Variants in HS6ST2 observed in about 807,000 individuals in gnomAD.
HS6ST2 encodes the protein heparan-sulfate 6-O-sulfotransferase 2.
In HS6ST2, 17 loss-of-function variants were observed where a neutral mutation model predicts 33.0. That is an observed-to-expected ratio of 0.52 (90% CI 0.35 to 0.77). The LOEUF (loss-of-function observed/expected upper bound fraction) is 0.77, where lower values mean the gene tolerates loss of function less well. Among genes scored for constraint, HS6ST2 ranks in the 30% least tolerant of loss-of-function variants. The probability of loss-of-function intolerance (pLI) is 0.01; values close to 1 mark genes in which losing one functional copy is unlikely to be tolerated. For missense variants in HS6ST2, 519 were observed against 551.7 expected (o/e 0.94, Z 0.59); for synonymous variants, 248 against 237.1 (o/e 1.05, Z -0.42).
At chrX:132,634,114 C>A (rs1248200435) in intron 4 of HS6ST2, among the ~76,000 whole-genome samples, 5 of 112,331 alleles carry the variant, frequency 4.5e-5, no homozygotes, top group Non-Finnish European at 5.6e-5. Flanking sequence ...TGGAGGAAAT[C>A]TAAGCCTGTC....
At chrX:132,900,939 C>T (rs187081581) in intron 2 of HS6ST2, among the ~76,000 whole-genome samples, 38 of 112,217 alleles carry the variant, frequency 3.4e-4, no homozygotes, top group African/African-American at 1.2e-3. Flanking sequence ...CTCTTGTTCA[C>T]CCTCTCTTAT....
At chrX:132,827,361 G>C (rs1309636144) in intron 2 of HS6ST2, among the ~76,000 whole-genome samples, 1 of 111,130 alleles carries the variant, frequency 9.0e-6, no homozygotes, top group African/African-American at 3.3e-5. Flanking sequence ...CGGTGTCAGG[G>C]AAGGCTTCAC....
intron 4 of HS6ST2, among the ~76,000 whole-genome samples, chrX:132,644,445 A>G (rs373288793): frequency 9.0e-6 from 1 of 111,381 alleles, no homozygotes; most frequent in East Asian, 2.8e-4. Context: ...CCAAGGATAT[A>G]TAGTTGGTCA....
rs180915603 is a variant in HS6ST2, at chrX:132,870,198, T to G, written c.947+86610A>C. Among the ~76,000 whole-genome samples the G allele has an allele frequency of 8.2e-4, 91 of 111,040 alleles. No homozygotes were observed. The East Asian group carries it at 0.01, about 13-fold the overall frequency. The stretch of plus-strand genomic sequence containing the variant: ...ACAAAGAGAATAAAATACCTAGGAA[T>G]CCAACTTATAAGGGATGTGAAGGAC... On this transcript the variant is annotated intron_variant, in intron 2 of 4. Coordinates refer to ENST00000370833, the MANE Select transcript of HS6ST2 (RefSeq NM_001394073.1).
intron 4 of HS6ST2, among the ~76,000 whole-genome samples, chrX:132,663,737 C>T (rs1415328196): frequency 8.9e-6 from 1 of 111,997 alleles, no homozygotes; most frequent in African/African-American, 3.2e-5. Flanking sequence ...CAACATACAA[C>T]CATTTTGAAG....
intron 2 of HS6ST2, among the ~76,000 whole-genome samples, chrX:132,923,912 T>C (rs1430153727): frequency 8.9e-6 from 1 of 112,257 alleles, no homozygotes; most frequent in African/African-American, 3.2e-5. Context: ...TAGAAGTCCA[T>C]AAAATTTTTG....
chrX:132,939,946 G>A (rs777029913), intron 2 of HS6ST2, among the ~76,000 whole-genome samples: 3 of 111,668 alleles, frequency 2.7e-5, no homozygotes, highest in Non-Finnish European at 5.6e-5. Context: ...TTGATAAGCT[G>A]ATGCTAAAAT....
At chrX:132,857,495 GA>G (rs942286471) in intron 2 of HS6ST2, among the ~76,000 whole-genome samples, 48 of 96,182 alleles carry the variant, frequency 5.0e-4, no homozygotes, top group South Asian at 4.1e-3. Flanking sequence ...AAAAAAAAAA[GA>G]AAAAAAAAAG....
chrX:132,952,136 A>T (rs2067021836), intron 2 of HS6ST2, among the ~76,000 whole-genome samples: 1 of 112,240 alleles, frequency 8.9e-6, no homozygotes, highest in African/African-American at 3.2e-5. Flanking sequence ...ATCTAAAATT[A>T]TTATTAAGTG....
intron 2 of HS6ST2, among the ~76,000 whole-genome samples, chrX:132,949,854 TCTCG>T (rs924684812): frequency 9.0e-6 from 1 of 110,838 alleles, no homozygotes; most frequent in Admixed American, 9.7e-5. Context: ...AGATGATTTC[TCTCG>T]CTCGCTCGCT....
rs567649812 is a variant in HS6ST2, at chrX:132,656,359, A to T, written c.1067+12754T>A. On this transcript the variant is annotated intron_variant, in intron 4 of 4. Transcript: ENST00000370833. ...TGGTGGATAAAGGCGGTTTTCCAAT[A>T]AAAACCTTGCTCCCTGAGTATTCTC... Among the ~76,000 whole-genome samples, 5 of 111,938 alleles carry T rather than the reference A, an allele frequency of 4.5e-5. No individual in the cohort carries two copies. The East Asian group carries it at 1.4e-3, about 31-fold the overall frequency.
intron 2 of HS6ST2, among the ~76,000 whole-genome samples, chrX:132,847,984 A>G (rs1462148783): frequency 8.9e-6 from 1 of 112,446 alleles, no homozygotes; most frequent in Non-Finnish European, 1.9e-5. Flanking sequence ...AACATCATGC[A>G]TAGGCAAGGA....
chrX:132,835,733 T>C lies in HS6ST2; in HGVS notation c.947+121075A>G, dbSNP rs776653337. 3.6e-5 allele frequency among the ~76,000 whole-genome samples: 4 copies of C among 111,856 alleles called. No individual in the cohort carries two copies. In the South Asian group the frequency reaches 1.5e-3, roughly 43 times the overall value. Reference sequence around the variant, plus strand: ...GAGTTTGAGACCAGCCTGGCCAACATGGCGAAACCCCGTCTCCACTAAAAA... The same window carrying C: ...GAGTTTGAGACCAGCCTGGCCAACACGGCGAAACCCCGTCTCCACTAAAAA... On this transcript the variant is annotated intron_variant, in intron 2 of 4. Transcript: ENST00000370833.
upstream of HS6ST2, chrX:132,958,724 T>C: frequency 1.5e-6 from 1 of 687,355 alleles, no homozygotes; most frequent in Non-Finnish European, 2.1e-6. Flanking sequence ...TTCTCTTTTC[T>C]TGGAGTACGG....
chrX:132,862,868 G>A (rs755737127), intron 2 of HS6ST2, among the ~76,000 whole-genome samples: 2 of 111,906 alleles, frequency 1.8e-5, no homozygotes, highest in Non-Finnish European at 3.8e-5. Flanking sequence ...GAACCACGAA[G>A]TACCTACAAG....
chrX:132,788,290 T>G (rs1260924869), intron 2 of HS6ST2, among the ~76,000 whole-genome samples: 1 of 112,015 alleles, frequency 8.9e-6, no homozygotes, highest in Non-Finnish European at 1.9e-5. Flanking sequence ...TTTTCATTAT[T>G]ACTATATCTG....
At chrX:132,705,357 G>T (rs1205467175) in intron 3 of HS6ST2, among the ~76,000 whole-genome samples, 1 of 111,555 alleles carries the variant, frequency 9.0e-6, no homozygotes, top group African/African-American at 3.3e-5. Context: ...TGAGGCCAGG[G>T]AAGAGGCCAT....
At chrX:132,894,521 TTATG>T (rs2148455155) in intron 2 of HS6ST2, among the ~76,000 whole-genome samples, 1 of 108,013 alleles carries the variant, frequency 9.3e-6, no homozygotes, top group Admixed American at 1.0e-4. Context: ...TTATGTTATG[TTATG>T]TTATTTATTT....
At chrX:132,885,756 C>A (rs2066244275) in intron 2 of HS6ST2, among the ~76,000 whole-genome samples, 1 of 111,424 alleles carries the variant, frequency 9.0e-6, no homozygotes, top group Non-Finnish European at 1.9e-5. Flanking sequence ...AGCCTCTGTA[C>A]ACTAAACTAC....
Sources: allele counts gnomAD v4.1 joint callset (sites outside exome capture counted in the v4.1 genomes callset), GRCh38; gene constraint gnomAD v4.1.1; transcripts MANE v1.5; gene names NCBI Gene and HGNC (gene_info 2026-07-23, HGNC 2026-07-21).